Variants in ZNF841 observed in about 807,000 individuals in gnomAD.
The protein encoded by ZNF841 is TCONS_00006091.
Under a neutral mutation model 13.0 loss-of-function variants are expected in ZNF841, and 11 were observed. The observed-to-expected ratio is 0.85, with a 90% CI of 0.53 to 1.40. The LOEUF (loss-of-function observed/expected upper bound fraction) is 1.40, where lower values mean the gene tolerates loss of function less well. ZNF841 is among the 40% of genes most tolerant of loss of function. The pLI, the probability that ZNF841 is intolerant of heterozygous loss-of-function variation, is 0.00. For missense variants in ZNF841, 1,068 were observed against 1,139.5 expected (o/e 0.94, Z 0.90); for synonymous variants, 369 against 381.6 (o/e 0.97, Z 0.38).
chr19:52,059,370 AATATAT>A, the ZNF841 span, among the ~76,000 whole-genome samples: 1 of 69,648 alleles, frequency 1.4e-5, no homozygotes, highest in Middle Eastern at 7.0e-3. Context: ...AAAAAAAAAA[AATATAT>A]ATATATATAT....
intron 6 of ZNF841, 31 bp downstream of exon 6, chr19:52,076,013 C>G (rs1297408520): frequency 1.3e-6 from 2 of 1,550,392 alleles, no homozygotes; most frequent in African/African-American, 1.4e-5. Context: ...TTTCATGGTA[C>G]CGCTTCCATT....
At chr19:52,060,857 C>G (rs1485613527), downstream of ZNF841, among the ~76,000 whole-genome samples, 2 of 152,192 alleles carry the variant, frequency 1.3e-5, no homozygotes, top group Non-Finnish European at 2.9e-5. Flanking sequence ...ACAGAAAACC[C>G]ACCTAGCTAT....
chr19:52,076,914 T>C (rs781369591), intron 5 of ZNF841, 44 bp downstream of exon 5: 4 of 1,603,020 alleles, frequency 2.5e-6, no homozygotes, highest in Middle Eastern at 1.7e-4. Context: ...AGTACAAAAA[T>C]GCACAAGGGA....
intron 6 of ZNF841, among the ~76,000 whole-genome samples, chr19:52,073,020 A>G (rs1207140797): frequency 1.3e-5 from 2 of 152,204 alleles, no homozygotes; most frequent in Admixed American, 6.5e-5. Context: ...AAGATATCCA[A>G]TGGAACAGAA....
intron 6 of ZNF841, among the ~76,000 whole-genome samples, chr19:52,074,761 C>T (rs796691820): frequency 1.3e-5 from 2 of 152,326 alleles, no homozygotes; most frequent in South Asian, 4.1e-4. Context: ...AGGTGATCCA[C>T]CCGCCTCAGC....
intron 2 of ZNF841, among the ~76,000 whole-genome samples, chr19:52,090,650 GGAAGGAAAGAAAGAAA>G (rs1438542427): frequency 3.2e-4 from 19 of 58,968 alleles, no homozygotes; most frequent in African/African-American, 1.1e-3. Flanking sequence ...AAGGAAGGAA[GGAAGGAAAGAAAGAAA>G]GAAAGAAAGA....
intron 2 of ZNF841, among the ~76,000 whole-genome samples, chr19:52,092,766 G>A (rs1281807068): frequency 6.6e-6 from 1 of 152,204 alleles, no homozygotes; most frequent in African/African-American, 2.4e-5. Flanking sequence ...GACACCAGTA[G>A]TTAGAGATCA....
At chr19:52,091,501 A>G (rs1028822102) in intron 2 of ZNF841, among the ~76,000 whole-genome samples, 1 of 152,244 alleles carries the variant, frequency 6.6e-6, no homozygotes, top group Admixed American at 6.5e-5. Flanking sequence ...CACACAGAGA[A>G]CAATCAAACA....
At chr19:52,072,850 A>G (rs964427030) in intron 6 of ZNF841, among the ~76,000 whole-genome samples, 1 of 152,054 alleles carries the variant, frequency 6.6e-6, no homozygotes, top group African/African-American at 2.4e-5. Context: ...CAAGGACCAT[A>G]CTCTTAAACA....
In ZNF841 at chr19:52,066,566, TA is replaced by T; in HGVS notation, c.1315del (p.Tyr439IlefsTer7). ...GTGCCTTACAAGTTGTGAATTCTGA[TA>T]AAAGACCTTGCCACATACATCACAT... ...YTCDVCGKVF[Y>X]QNSQLVRHQI... On this transcript the variant is annotated frameshift_variant, in exon 7 of 7. Transcript: ENST00000594440. LOFTEE classifies it low-confidence loss of function (END_TRUNC). The T allele has an allele frequency of 6.2e-7, 1 of 1,613,600 alleles. No homozygotes were observed. Among genetic ancestry groups the T allele is most frequent in the Non-Finnish European group, 8.5e-7 (1 of 1,179,734 alleles).
chr19:52,082,914 A>G (rs1485017903), intron 4 of ZNF841, among the ~76,000 whole-genome samples: 2 of 152,050 alleles, frequency 1.3e-5, no homozygotes, highest in Non-Finnish European at 2.9e-5. Context: ...CCCCATCTCA[A>G]CTAAAAATAC....
At chr19:52,086,427 C>A (rs192531252) in intron 3 of ZNF841, among the ~76,000 whole-genome samples, 42 of 152,298 alleles carry the variant, frequency 2.8e-4, no homozygotes, top group South Asian at 8.3e-4. Flanking sequence ...GCCTGTTCCT[C>A]CTTCACCTGC....
At chr19:52,083,825 T>TC (rs2088180349) in intron 4 of ZNF841, among the ~76,000 whole-genome samples, 1 of 151,944 alleles carries the variant, frequency 6.6e-6, no homozygotes, top group Non-Finnish European at 1.5e-5. Flanking sequence ...TACCTTTTTT[T>TC]TTTTTTTGCT....
At position 52,066,237 on chromosome 19, in the gene ZNF841, C is replaced by A; in HGVS notation, c.1645G>T (p.Val549Phe). Residue 549 changes from valine to phenylalanine, a missense_variant, in exon 7 of 7, where the codon GTC becomes TTC. Val to Phe is a conservative substitution (Grantham distance 50). Coordinates refer to ENST00000594440, the MANE Select transcript of ZNF841 (RefSeq NM_001136499.2). ...KPYKCNVCGK[V>F]FNYGGYLSVH... The stretch of plus-strand genomic sequence containing the variant: ...GAAAGGTATCCACCGTAATTAAAGA[C>A]CTTGCCACACACATTACATTTGTAA... 1 of 1,614,100 alleles carries A rather than the reference C, an allele frequency of 6.2e-7. No homozygotes were observed. Among genetic ancestry groups the A allele is most frequent in the Non-Finnish European group, 8.5e-7 (1 of 1,179,990 alleles).
chr19:52,065,706 A>T lies in ZNF841; in HGVS notation c.2176T>A (p.Tyr726Asn). 6.2e-7 allele frequency: 1 copy of T among 1,603,510 alleles called. No homozygotes were observed. ...RTFSHKTSLVYHQRRHTGEMP... is the reference protein window; with the variant it reads ...RTFSHKTSLVNHQRRHTGEMP... ...TCTCCAGTATGTCTTCTCTGATGGT[A>T]CACCAGACTTGTTTTATGACTAAAA... is the stretch of plus-strand genomic sequence containing the variant. The change falls in exon 7 of 7, where the codon TAC becomes AAC. Residue 726 changes from tyrosine to asparagine, a missense_variant. Physicochemically the swap from Tyr to Asn is moderately radical, Grantham distance 143. Coordinates refer to ENST00000594440, the MANE Select transcript of ZNF841 (RefSeq NM_001136499.2).
Position 52,090,630 on chromosome 19 carries a change from AGAAGGAAG to A in ZNF841, c.-143-1636_-143-1629del, listed in dbSNP as rs781211199. 2.1e-3 allele frequency among the ~76,000 whole-genome samples: 188 copies of A among 90,596 alleles called. 3 individuals carry two copies. The highest frequency in any genetic ancestry group is 8.3e-3 in the African/African-American group (182 of 21,906). 59.4% of individuals were successfully genotyped at this position (90,596 alleles called of 152,430 possible). ...CTTAAAAAAAGAAAGAAAGAAAGAAAGAAGGAAGGAAGGAAGGAAGGAAGGAAAGAAAG... is the reference window on the plus strand; with the variant it reads ...CTTAAAAAAAGAAAGAAAGAAAGAAAGAAGGAAGGAAGGAAGGAAAGAAAG... On this transcript the variant is annotated intron_variant, in intron 2 of 6. Transcript: ENST00000594440.
Position 52,067,192 on chromosome 19 carries a change from G to C in ZNF841, c.690C>G (p.Val230=). The C allele has an allele frequency of 1.3e-6, 2 of 1,551,018 alleles. No homozygotes were observed. The highest frequency in any genetic ancestry group is 1.7e-6 in the Non-Finnish European group (2 of 1,146,876). The change falls in exon 7 of 7, where the codon GTC becomes GTG. Residue 230 remains valine (V), a synonymous_variant. Coordinates refer to ENST00000594440, the MANE Select transcript of ZNF841 (RefSeq NM_001136499.2). ...ASPLQRIFPG[V]QTNISRKYGN... Reference sequence around the variant, plus strand: ...CATATTTCCTAGAAATGTTGGTTTGGACACCAGGAAAAATTCTTTGAAGTG... The same window carrying C: ...CATATTTCCTAGAAATGTTGGTTTGCACACCAGGAAAAATTCTTTGAAGTG...
chr19:52,068,832 C>T (rs1164536900), intron 6 of ZNF841, among the ~76,000 whole-genome samples: 1 of 151,716 alleles, frequency 6.6e-6, no homozygotes, highest in Admixed American at 6.6e-5. Flanking sequence ...ATTAGCCAAG[C>T]GTGGTGATGC....
the ZNF841 span, chr19:52,058,830 T>G: frequency 1.3e-5 from 2 of 152,884 alleles, no homozygotes; most frequent in East Asian, 3.9e-4. Context: ...AAAACTTCAT[T>G]TCTATTATTT....
Sources: allele counts gnomAD v4.1 joint callset (sites outside exome capture counted in the v4.1 genomes callset), GRCh38; gene constraint gnomAD v4.1.1; transcripts MANE v1.5; gene names NCBI Gene and HGNC (gene_info 2026-07-23, HGNC 2026-07-21).